The following ARMC9 variants were observed in gnomAD, a reference collection of about 807,000 sequenced individuals.
ARMC9 encodes armadillo repeat containing 9.
In ARMC9, 94 loss-of-function variants were observed where a neutral mutation model predicts 107.0. The ratio of observed to expected loss-of-function variants is 0.88; its 90% confidence interval spans 0.74 to 1.04. ARMC9 has a LOEUF of 1.04. ARMC9 is among the 50% of genes least tolerant of loss of function. The pLI, the probability that ARMC9 is intolerant of heterozygous loss-of-function variation, is 0.00. For missense variants in ARMC9, 942 were observed against 1,030.1 expected, an observed-to-expected ratio of 0.91 and a Z score of 1.17; for synonymous variants, 380 against 396.9, an observed-to-expected ratio of 0.96 and a Z score of 0.51.
intron 9 of ARMC9, among the ~76,000 whole-genome samples, chr2:231,247,234 C>T (rs774198182): frequency 1.3e-5 from 2 of 152,172 alleles, no homozygotes; most frequent in African/African-American, 2.4e-5. Flanking sequence ...GGATTATAAG[C>T]GTGAGCCAAC....
chr2:231,331,691 C>T (rs904488081), intron 19 of ARMC9, 102 bp from the exon 20 acceptor site: 53 of 987,384 alleles, frequency 5.4e-5, no homozygotes, highest in Non-Finnish European at 7.2e-5. Flanking sequence ...TGTGATTGGC[C>T]GAGGCCTTCT....
At position 231,265,275 on chromosome 2, in the gene ARMC9, G is replaced by A. The variant is rs971796498; in HGVS notation, c.1119+2877G>A. Among the ~76,000 whole-genome samples the A allele has an allele frequency of 6.6e-5, 10 of 152,138 alleles. 1 individual carries two copies. The highest frequency in any genetic ancestry group is 5.9e-4 in the Admixed American group (9 of 15,262). On this transcript the variant is annotated intron_variant, in intron 12 of 24. Transcript: ENST00000611582. ...TGGCCATCCACCCAAAGGAAAAGAAGTCATTATATGAAAAAGACACATGCA... is the reference window on the plus strand; with the variant it reads ...TGGCCATCCACCCAAAGGAAAAGAAATCATTATATGAAAAAGACACATGCA...
At chr2:231,340,681 G>A (rs1052099002) in intron 20 of ARMC9, among the ~76,000 whole-genome samples, 7 of 152,138 alleles carry the variant, frequency 4.6e-5, no homozygotes, top group Non-Finnish European at 7.4e-5. Flanking sequence ...GAGGTCAGGA[G>A]TTCGAGACCA....
intron 17 of ARMC9, among the ~76,000 whole-genome samples, chr2:231,290,265 C>A (rs1291032867): frequency 6.6e-6 from 1 of 152,204 alleles, no homozygotes; most frequent in African/African-American, 2.4e-5. Flanking sequence ...ACTGATTTAA[C>A]TTTTCTAGAA....
intron 18 of ARMC9, among the ~76,000 whole-genome samples, chr2:231,292,938 C>T (rs967506307): frequency 1.3e-5 from 2 of 152,186 alleles, no homozygotes; most frequent in Non-Finnish European, 2.9e-5. Context: ...TAAATCAGAA[C>T]CTCTCAGAGA....
intron 19 of ARMC9, among the ~76,000 whole-genome samples, chr2:231,320,322 T>C (rs930379453): frequency 6.6e-6 from 1 of 152,172 alleles, no homozygotes; most frequent in Non-Finnish European, 1.5e-5. Context: ...CCTGCCAAAT[T>C]GCTCCCCAAA....
At chr2:231,340,675 TC>T (rs1435424475) in intron 20 of ARMC9, among the ~76,000 whole-genome samples, 3 of 150,602 alleles carry the variant, frequency 2.0e-5, no homozygotes, top group Admixed American at 1.3e-4. Context: ...TCACCTGAGG[TC>T]AGGAGTTCGA....
intron 20 of ARMC9, among the ~76,000 whole-genome samples, chr2:231,344,202 G>A (rs1190746306): frequency 1.3e-5 from 2 of 152,102 alleles, no homozygotes; most frequent in Non-Finnish European, 2.9e-5. Context: ...TACAACTCTT[G>A]ATAAAATGCC....
chr2:231,369,987 GC>G lies in ARMC9; in HGVS notation c.2301del (p.Cys768AlafsTer78). On this transcript the variant is annotated frameshift_variant, in exon 24 of 25. Transcript: ENST00000611582. LOFTEE classifies it high-confidence loss of function. ...CASAFTCKPR[A>X]PCTPEMLDWN... ...ATCAGCCTTCACCTGCAAGCCCCGG[GC>G]CCCCTGCACTCCAGAGATGCTGGAC... The G allele has an allele frequency of 4.6e-6, 7 of 1,529,720 alleles. No individual in the cohort carries two copies. Among genetic ancestry groups the G allele is most frequent in the South Asian group, 1.2e-5 (1 of 83,488 alleles). 94.8% of individuals were successfully genotyped at this position (1,529,720 alleles called of 1,614,324 possible). A position where few individuals can be genotyped will look rare whatever the true frequency, so the allele number is the denominator to read the frequency against.
chr2:231,317,839 C>T (rs1437710366), intron 19 of ARMC9, among the ~76,000 whole-genome samples: 1 of 151,956 alleles, frequency 6.6e-6, no homozygotes, highest in Non-Finnish European at 1.5e-5. Flanking sequence ...CATTTGGTTC[C>T]TTTTTATAGT....
intron 21 of ARMC9, among the ~76,000 whole-genome samples, chr2:231,350,125 A>G (rs1476646591): frequency 6.6e-6 from 1 of 151,902 alleles, no homozygotes; most frequent in East Asian, 1.9e-4. Flanking sequence ...TCCCAGGTTC[A>G]AGCGATTCTC....
At chr2:231,311,564 G>A (rs927786318) in intron 19 of ARMC9, among the ~76,000 whole-genome samples, 1 of 152,004 alleles carries the variant, frequency 6.6e-6, no homozygotes, top group Non-Finnish European at 1.5e-5. Flanking sequence ...GAGGTCAGGA[G>A]TTCGAGACCA....
At chr2:231,256,887 G>A (rs550273564) in intron 10 of ARMC9, among the ~76,000 whole-genome samples, 1 of 152,286 alleles carries the variant, frequency 6.6e-6, no homozygotes, top group African/African-American at 2.4e-5. Flanking sequence ...GTACAGTGGT[G>A]CAATCTCAGC....
At chr2:231,280,349 T>G (rs1338720960) in intron 16 of ARMC9, among the ~76,000 whole-genome samples, 1 of 152,108 alleles carries the variant, frequency 6.6e-6, no homozygotes, top group Non-Finnish European at 1.5e-5. Flanking sequence ...TCCTAGCTAC[T>G]CAGGAGGCTG....
At chr2:231,228,356 G>C (rs2034861157) in intron 7 of ARMC9, among the ~76,000 whole-genome samples, 1 of 152,214 alleles carries the variant, frequency 6.6e-6, no homozygotes, top group Non-Finnish European at 1.5e-5. Context: ...TGTCTCTCAG[G>C]TGCAGTCAGG....
chr2:231,326,750 CTG>C (rs2125546826), intron 19 of ARMC9, among the ~76,000 whole-genome samples: 1 of 152,328 alleles, frequency 6.6e-6, no homozygotes, highest in Non-Finnish European at 1.5e-5. Flanking sequence ...TGGAAACTGA[CTG>C]GGGCAAATCA....
rs555758428 is a variant in ARMC9 at position 231,217,102 on chromosome 2, T to C, written c.504+309T>C. The stretch of plus-strand genomic sequence containing the variant: ...ACCCAATTGTACACCAACAGGAGCA[T>C]GCATAAATACATTGTATTATATTCA... On this transcript the variant is annotated intron_variant, in intron 5 of 24. Transcript: ENST00000611582. Among the ~76,000 whole-genome samples the C allele has an allele frequency of 2.3e-3, 348 of 152,290 alleles. 4 individuals carry two copies. The highest frequency in any genetic ancestry group is 8.2e-3 in the African/African-American group (339 of 41,552).
chr2:231,287,613 G>A (rs369340959), intron 17 of ARMC9, among the ~76,000 whole-genome samples: 16 of 151,904 alleles, frequency 1.1e-4, no homozygotes, highest in South Asian at 8.3e-4. Context: ...GAACTCCTAG[G>A]CTCAAGCGAT....
intron 19 of ARMC9, among the ~76,000 whole-genome samples, chr2:231,310,997 C>T (rs899165458): frequency 8.5e-5 from 13 of 152,092 alleles, no homozygotes; most frequent in East Asian, 7.8e-4. Flanking sequence ...TGTGCTTGTG[C>T]GTAACTGTAG....
Sources: gnomAD v4.1 joint callset for allele counts (sites outside exome capture counted in the v4.1 genomes callset) on GRCh38, gnomAD v4.1.1 for gene constraint, MANE v1.5 for transcripts, NCBI Gene and HGNC (gene_info 2026-07-23, HGNC 2026-07-21) for gene names.